Variants in TRRAP observed in about 807,000 individuals in gnomAD.
TRRAP encodes transformation/transcription domain associated protein, also known as transformation/transcription domain-associated protein.
Under a neutral mutation model 438.8 loss-of-function variants are expected in TRRAP, and 41 were observed. That is an observed-to-expected ratio of 0.09 (90% CI 0.07 to 0.12). TRRAP has a LOEUF of 0.12. Ranked by LOEUF, TRRAP falls within the 10% of genes least tolerant of loss-of-function variation. TRRAP has a pLI of 1.00. For synonymous variants in TRRAP, 1,994 were observed against 1,962.9 expected, an observed-to-expected ratio of 1.02 and a Z score of -0.42; for missense variants, 3,122 against 5,055.1, an observed-to-expected ratio of 0.62 and a Z score of 11.60.
In TRRAP at chr7:98,945,967, A is replaced by G. The variant is rs1791038066; in HGVS notation, c.4548+17A>G. Reference sequence around the variant, plus strand: ...GGGGTAGAGGTGAGAACTTGAGCGGAGCTACAGGAGGGGGTTGTTGTCGTT... The same window carrying G: ...GGGGTAGAGGTGAGAACTTGAGCGGGGCTACAGGAGGGGGTTGTTGTCGTT... On this transcript the variant is annotated intron_variant, in intron 33 of 72. Transcript: ENST00000456197. The G allele has an allele frequency of 1.4e-6, 2 of 1,446,138 alleles. No individual in the cohort carries two copies. Among genetic ancestry groups the G allele is most frequent in the Non-Finnish European group, 1.8e-6 (2 of 1,098,832 alleles). The allele number at this position is 1,446,138 out of a possible 1,614,324, so 89.6% of individuals were successfully genotyped here.
At chr7:98,951,051 A>G (rs782409953) in intron 39 of TRRAP, 47 bp downstream of exon 39, 36 of 1,157,592 alleles carry the variant, frequency 3.1e-5, no homozygotes, top group Non-Finnish European at 3.7e-5. Context: ...TGGCATGTGG[A>G]TGAACATCTG....
In TRRAP at chr7:98,900,522, G is replaced by A. The variant is rs964539579; in HGVS notation, c.801-102G>A. ...TTGTTGCTGTGTTGTTTGGGTCTGT[G>A]TGGAAATCAATCTTTTGGGTTTAGT... On this transcript the variant is annotated intron_variant, in intron 10 of 72. Transcript: ENST00000456197. 1.7e-5 allele frequency: 16 copies of A among 939,552 alleles called. No homozygotes were observed. The Admixed American group carries it at 2.0e-4, about 12-fold the overall frequency. The allele number at this position is 939,552 out of a possible 1,614,324, so 58.2% of individuals were successfully genotyped here. A position where few individuals can be genotyped will look rare whatever the true frequency, so the allele number is the denominator to read the frequency against.
At position 98,921,963 on chromosome 7, in the gene TRRAP, G is replaced by T; in HGVS notation, c.2823+10G>T. 1 of 1,614,224 alleles carries T rather than the reference G, an allele frequency of 6.2e-7. No homozygotes were observed. The highest frequency in any genetic ancestry group is 8.5e-7 in the Non-Finnish European group (1 of 1,180,024). On this transcript the variant is annotated intron_variant, in intron 21 of 72. Coordinates refer to ENST00000456197, the MANE Select transcript of TRRAP (RefSeq NM_001375524.1). ...GCTCCCCATGGAGAAGGTAAGCTCT[G>T]TGACAATGTCGTTTCGTTTTAAGCC... is the stretch of plus-strand genomic sequence containing the variant.
chr7:98,934,347 T>C (rs1243451775), intron 27 of TRRAP, among the ~76,000 whole-genome samples: 1 of 152,194 alleles, frequency 6.6e-6, no homozygotes. Context: ...CATTTTAAGG[T>C]CCTGTTTTTG....
intron 50 of TRRAP, 50 bp from the exon 51 acceptor site, chr7:98,967,433 CAT>C (rs1243887456): frequency 1.3e-6 from 2 of 1,577,266 alleles, no homozygotes; most frequent in Admixed American, 3.4e-5. Context: ...TGCTTGTTTG[CAT>C]ATGACTTGGG....
At position 98,948,540 on chromosome 7, in the gene TRRAP, ATG is replaced by A; in HGVS notation, c.4669-25_4669-24del. On this transcript the variant is annotated intron_variant, in intron 34 of 72. Coordinates refer to ENST00000456197, the MANE Select transcript of TRRAP (RefSeq NM_001375524.1). This position sits in a 1 kb window ranked among gnomAD's most constrained non-coding sequence, Gnocchi z 4.9. ...AGCTCTGAGAAGAGGAAGTTGTGAG[ATG>A]CAGCATTCCCACATGTTTTGCAGGC... 6.2e-7 allele frequency: 1 copy of A among 1,614,170 alleles called. No homozygotes were observed. Among genetic ancestry groups the A allele is most frequent in the Non-Finnish European group, 8.5e-7 (1 of 1,180,030 alleles).
At chr7:98,963,897 A>G (rs1279326743) in intron 47 of TRRAP, among the ~76,000 whole-genome samples, 1 of 152,020 alleles carries the variant, frequency 6.6e-6, no homozygotes, top group Non-Finnish European at 1.5e-5. Context: ...CCTGGCCAAC[A>G]TGGTGAAACC....
At chr7:98,913,480 G>A (rs545122228) in intron 18 of TRRAP, among the ~76,000 whole-genome samples, 6 of 152,008 alleles carry the variant, frequency 3.9e-5, no homozygotes, top group Admixed American at 1.3e-4. Flanking sequence ...GTGGAGATGG[G>A]GTTTCACCAT....
At chr7:98,968,135 C>T (rs970905571) in intron 51 of TRRAP, among the ~76,000 whole-genome samples, 3 of 152,032 alleles carry the variant, frequency 2.0e-5, no homozygotes, top group Non-Finnish European at 4.4e-5. Flanking sequence ...TGTTGTGCCC[C>T]AGCCTCCCCG....
At chr7:99,004,066 T>G in intron 67 of TRRAP, 124 bp from the exon 68 acceptor site, 1 of 996,558 alleles carries the variant, frequency 1.0e-6, no homozygotes, top group South Asian at 1.7e-5. Flanking sequence ...AGAGTGAAAC[T>G]TCATCTCAAA....
intron 21 of TRRAP, 74 bp from the exon 22 acceptor site, chr7:98,925,038 A>G (rs1032969056): frequency 1.3e-6 from 2 of 1,529,814 alleles, no homozygotes; most frequent in Non-Finnish European, 1.8e-6. Flanking sequence ...GGTGCTGCAG[A>G]TGCTTTCAGT....
intron 62 of TRRAP, among the ~76,000 whole-genome samples, chr7:98,985,487 T>C (rs954918101): frequency 6.6e-6 from 1 of 152,240 alleles, no homozygotes; most frequent in African/African-American, 2.4e-5. Context: ...TGTGACTGCT[T>C]TCGCTTTACT....
rs1554414035 is a variant in TRRAP at position 98,935,581 on chromosome 7, G to T, written c.4017G>T (p.Leu1339=). ...VVEHKVFYTE[L]LNLCEAEDSA... is the part of the protein sequence containing the mutation. ...TGAAATTGTTTTATCTTTTGCAGCT[G>T]TTGAATTTGTGTGAGGCTGAAGATT... The change falls in exon 28 of 73, where the codon CTG becomes CTT. Residue 1339 remains leucine, a splice_region_variant and synonymous_variant. Transcript: ENST00000456197. 1.9e-6 allele frequency: 3 copies of T among 1,598,030 alleles called. No individual in the cohort carries two copies. Among genetic ancestry groups the T allele is most frequent in the Non-Finnish European group, 1.7e-6 (2 of 1,166,726 alleles).
intron 47 of TRRAP, 57 bp downstream of exon 47, chr7:98,962,484 T>C: frequency 1.2e-6 from 2 of 1,610,390 alleles, no homozygotes; most frequent in Non-Finnish European, 1.7e-6. Context: ...CTTTCCCCGC[T>C]CACTGGACGT....
At chr7:98,957,011 G>T (rs1381765067) in intron 43 of TRRAP, among the ~76,000 whole-genome samples, 1 of 152,034 alleles carries the variant, frequency 6.6e-6, no homozygotes, top group African/African-American at 2.4e-5. Context: ...CCCTACTTCT[G>T]GCTTCGTAGG....
At chr7:98,990,430 T>G (rs1793382325) in intron 63 of TRRAP, 25 bp from the exon 64 acceptor site, 1 of 1,607,692 alleles carries the variant, frequency 6.2e-7, no homozygotes, top group East Asian at 2.2e-5. Context: ...GTCATTCTAC[T>G]CTAGAATTTC....
chr7:98,992,559 C>CTG (rs1793474490), intron 65 of TRRAP, among the ~76,000 whole-genome samples: 1 of 129,268 alleles, frequency 7.7e-6, no homozygotes, highest in South Asian at 2.3e-4. Context: ...ATGCCAGCTG[C>CTG]CGTGTGTGTG....
chr7:98,988,581 G>C (rs1290352440), intron 62 of TRRAP, among the ~76,000 whole-genome samples, 184 bp from the exon 63 acceptor site: 1 of 152,202 alleles, frequency 6.6e-6, no homozygotes, highest in Non-Finnish European at 1.5e-5. Flanking sequence ...ACAGAAGGCA[G>C]ACTGCAGGTT....
Position 98,897,443 on chromosome 7 carries a change from T to C in TRRAP, c.508-298T>C, listed in dbSNP as rs140620948. On this transcript the variant is annotated intron_variant, in intron 7 of 72. Transcript: ENST00000456197. ...AGGGCAAAAAGAGTAGAAAATACTT[T>C]TAGGCAAGCTTTGTCTTCTGTTGTT... 1.2e-3 allele frequency among the ~76,000 whole-genome samples: 185 copies of C among 152,336 alleles called. 1 individual carries two copies. Among genetic ancestry groups the C allele is most frequent in the African/African-American group, 3.9e-3 (163 of 41,584 alleles).
Sources: gnomAD v4.1 joint callset for allele counts (sites outside exome capture counted in the v4.1 genomes callset) on GRCh38, gnomAD v4.1.1 for gene constraint, Gnocchi (gnomAD v3.1) non-coding constraint, MANE v1.5 for transcripts, NCBI Gene and HGNC (gene_info 2026-07-23, HGNC 2026-07-21) for gene names.